UBE3D: variants seen among roughly 807,000 people sequenced by gnomAD.
The protein encoded by UBE3D is ubiquitin protein ligase E3D.
In UBE3D, 48 loss-of-function variants were observed where a neutral mutation model predicts 49.6. The ratio of observed to expected loss-of-function variants is 0.97; its 90% confidence interval spans 0.77 to 1.23. UBE3D has a LOEUF of 1.23. Among genes scored for constraint, UBE3D ranks in the 50% most tolerant of loss-of-function variants. The pLI is 0.00. For synonymous variants in UBE3D, 189 were observed against 174.2 expected (o/e 1.08, Z -0.67); for missense variants, 452 against 468.4 (o/e 0.96, Z 0.32).
At chr6:83,032,099 G>A (rs1016466685) in intron 5 of UBE3D, 1 of 437,438 alleles carries the variant, frequency 2.3e-6, no homozygotes, top group African/African-American at 2.0e-5. Flanking sequence ...CCCCACTGTG[G>A]CACTGCCTGG....
Position 82,892,787 on chromosome 6 carries a change from C to T in UBE3D, c.*235G>A. The T allele has an allele frequency of 1.9e-6, 1 of 520,906 alleles. No individual in the cohort carries two copies. The highest frequency in any genetic ancestry group is 3.5e-6 in the Non-Finnish European group (1 of 286,184). The allele number at this position is 520,906 out of a possible 1,614,324, so 32.3% of individuals were successfully genotyped here. Reference sequence around the variant, plus strand: ...AATAGAGATGTAACTTCTACACTTGCCTCAACCTGCTACTATGACTTTCTT... The same window carrying T: ...AATAGAGATGTAACTTCTACACTTGTCTCAACCTGCTACTATGACTTTCTT... On this transcript the variant is annotated 3_prime_UTR_variant, in exon 10 of 10. Coordinates refer to ENST00000369747, the MANE Select transcript of UBE3D (RefSeq NM_198920.3).
At chr6:82,993,435 C>A (rs1213663890) in intron 8 of UBE3D, among the ~76,000 whole-genome samples, 1 of 152,122 alleles carries the variant, frequency 6.6e-6, no homozygotes, top group African/African-American at 2.4e-5. Context: ...CAGCAAAAAT[C>A]CACCCATGTT....
At chr6:82,951,450 C>T (rs924195225) in intron 9 of UBE3D, among the ~76,000 whole-genome samples, 3 of 152,140 alleles carry the variant, frequency 2.0e-5, no homozygotes, top group African/African-American at 7.2e-5. Flanking sequence ...GAAGGGTTTC[C>T]TCCACTCAGG....
Position 83,044,524 on chromosome 6 carries a change from GAA to G in UBE3D, c.499_500del (p.Phe167LeufsTer15), listed in dbSNP as rs866357651. 2.5e-6 allele frequency: 4 copies of G among 1,614,040 alleles called. No homozygotes were observed. The Admixed American group carries it at 6.7e-5, about 27-fold the overall frequency. On this transcript the variant is annotated frameshift_variant, in exon 4 of 10. Transcript: ENST00000369747. LOFTEE classifies it high-confidence loss of function. ...AACTGGTTCTTAAATTCACCAAGAA[GAA>G]AGAGTCTCCAATAAAACAGTCATTC... is the stretch of plus-strand genomic sequence containing the variant. The part of the protein sequence containing the change: ...QENDCFIGDS[F>X]FLVNLRTSLW...
At chr6:82,908,044 T>C (rs1772228797) in intron 9 of UBE3D, among the ~76,000 whole-genome samples, 1 of 152,140 alleles carries the variant, frequency 6.6e-6, no homozygotes, top group Non-Finnish European at 1.5e-5. Flanking sequence ...ATAATAGGGA[T>C]AAATTGCAAA....
chr6:83,062,286 T>C (rs1449359653), intron 1 of UBE3D, among the ~76,000 whole-genome samples: 3 of 152,200 alleles, frequency 2.0e-5, no homozygotes, highest in Admixed American at 1.3e-4. Context: ...CCCAAAATGC[T>C]AAGATATCTT....
intron 3 of UBE3D, among the ~76,000 whole-genome samples, chr6:83,048,350 CAGA>C (rs1212042960): frequency 1.3e-5 from 2 of 152,054 alleles, no homozygotes; most frequent in East Asian, 1.9e-4. Flanking sequence ...GAAGAACCAG[CAGA>C]AGAAGAGGGC....
At chr6:82,950,406 T>C (rs181583082) in intron 9 of UBE3D, among the ~76,000 whole-genome samples, 2 of 152,246 alleles carry the variant, frequency 1.3e-5, no homozygotes, top group East Asian at 1.9e-4. Context: ...TCTCTTACAC[T>C]GTTGGTGGGA....
At chr6:82,933,905 G>A (rs1774356856) in intron 9 of UBE3D, among the ~76,000 whole-genome samples, 1 of 152,130 alleles carries the variant, frequency 6.6e-6, no homozygotes, top group Non-Finnish European at 1.5e-5. Flanking sequence ...GTGCCTAGTG[G>A]GGCTAAAGTT....
intron 8 of UBE3D, among the ~76,000 whole-genome samples, chr6:82,981,718 C>G (rs1778133088): frequency 2.0e-5 from 3 of 151,862 alleles, no homozygotes. Context: ...TCTTCTAGTT[C>G]TAAAGAATTG....
chr6:82,965,432 A>T (rs1453191533), intron 8 of UBE3D, among the ~76,000 whole-genome samples: 1 of 151,918 alleles, frequency 6.6e-6, no homozygotes, highest in African/African-American at 2.4e-5. Context: ...AAATACAAAA[A>T]ATTAGCCAGG....
At chr6:82,964,980 C>T (rs293486) in intron 8 of UBE3D, among the ~76,000 whole-genome samples, 132,560 of 152,174 alleles carry the variant, frequency 0.87, 57,821 homozygotes, top group East Asian at 0.94. Context: ...TTGACCCTTT[C>T]AAATTACAAA....
intron 9 of UBE3D, among the ~76,000 whole-genome samples, chr6:82,898,079 A>G (rs1009915712): frequency 1.3e-5 from 2 of 151,456 alleles, no homozygotes; most frequent in Admixed American, 6.6e-5. Flanking sequence ...TATGAGAAAA[A>G]GCTCATCATC....
chr6:82,988,998 T>C (rs1424628143), intron 8 of UBE3D, among the ~76,000 whole-genome samples: 1 of 152,002 alleles, frequency 6.6e-6, no homozygotes, highest in Non-Finnish European at 1.5e-5. Context: ...AAAAATAGAA[T>C]TAGAAAGGAA....
At chr6:82,959,421 C>G (rs1291757206) in intron 8 of UBE3D, among the ~76,000 whole-genome samples, 2 of 151,852 alleles carry the variant, frequency 1.3e-5, no homozygotes, top group Non-Finnish European at 2.9e-5. Context: ...CTCTCCACCC[C>G]TGGGTCACAG....
chr6:83,040,621 T>C (rs955550084), intron 4 of UBE3D, among the ~76,000 whole-genome samples: 6 of 152,360 alleles, frequency 3.9e-5, no homozygotes, highest in African/African-American at 1.2e-4. Flanking sequence ...TATTCCATTT[T>C]TTCCTGGTCT....
chr6:82,911,220 A>C (rs1772494102), intron 9 of UBE3D, among the ~76,000 whole-genome samples: 1 of 149,266 alleles, frequency 6.7e-6, no homozygotes. Flanking sequence ...AAAAAAAAAA[A>C]AAACTCAGGG....
intron 9 of UBE3D, among the ~76,000 whole-genome samples, chr6:82,926,865 C>T (rs1264222099): frequency 6.6e-6 from 1 of 151,750 alleles, no homozygotes; most frequent in Non-Finnish European, 1.5e-5. Context: ...TAATGAAGTC[C>T]AGCTTATCAA....
chr6:83,028,503 C>T (rs1024524259), intron 5 of UBE3D, among the ~76,000 whole-genome samples: 12 of 152,112 alleles, frequency 7.9e-5, no homozygotes, highest in African/African-American at 2.4e-4. Context: ...CCAATTCACC[C>T]TCACTGTGAG....
Sources: gnomAD v4.1 joint callset for allele counts (sites outside exome capture counted in the v4.1 genomes callset) on GRCh38, gnomAD v4.1.1 for gene constraint, MANE v1.5 for transcripts, NCBI Gene and HGNC (gene_info 2026-07-23, HGNC 2026-07-21) for gene names.